FRMPD4: variants seen among roughly 807,000 people sequenced by gnomAD.
FRMPD4 encodes FERM and PDZ domain containing 4, also known as FERM and PDZ domain-containing protein 4.
A neutral mutation model predicts 94.1 loss-of-function variants in FRMPD4; 22 were observed. That is an observed-to-expected ratio of 0.23 (90% CI 0.17 to 0.33). FRMPD4 has a LOEUF of 0.33. Ranked by LOEUF, FRMPD4 falls within the 10% of genes least tolerant of loss-of-function variation. FRMPD4 has a pLI of 1.00. For synonymous variants in FRMPD4, 631 were observed against 548.6 expected (o/e 1.15, Z -2.10); for missense variants, 1,111 against 1,339.9 (o/e 0.83, Z 2.67).
chrX:12,065,585 T>C (rs2054914087), intron 3 of FRMPD4, among the ~76,000 whole-genome samples: 1 of 112,003 alleles, frequency 8.9e-6, no homozygotes, highest in African/African-American at 3.2e-5. Context: ...TGTGAGTAGC[T>C]CTTCTGGCTT....
chrX:12,034,633 C>T (rs2054710255), intron 3 of FRMPD4, among the ~76,000 whole-genome samples: 1 of 111,849 alleles, frequency 8.9e-6, no homozygotes. Flanking sequence ...TACAGCTAGA[C>T]CATTCGTTTC....
chrX:12,389,492 A>AAAC (rs920077761), intron 1 of FRMPD4, among the ~76,000 whole-genome samples: 3 of 109,520 alleles, frequency 2.7e-5, no homozygotes, highest in East Asian at 2.8e-4. Context: ...AAACAAAACC[A>AAAC]AACAACAACA....
intron 1 of FRMPD4, among the ~76,000 whole-genome samples, chrX:12,436,917 A>G (rs1375922040): frequency 8.9e-6 from 1 of 111,987 alleles, no homozygotes; most frequent in East Asian, 2.8e-4. Context: ...CTTTAAAATT[A>G]AGAGAGAATT....
intron 4 of FRMPD4, among the ~76,000 whole-genome samples, chrX:12,616,087 G>A (rs1252180361): frequency 9.0e-6 from 1 of 111,323 alleles, no homozygotes. Flanking sequence ...CTCTGGAATG[G>A]TTGGTCACTG....
At chrX:12,551,275 A>C (rs181914527) in intron 2 of FRMPD4, among the ~76,000 whole-genome samples, 2 of 111,011 alleles carry the variant, frequency 1.8e-5, no homozygotes, top group East Asian at 5.6e-4. Flanking sequence ...TATTTCATCT[A>C]TGTCCCCACA....
intron 1 of FRMPD4, among the ~76,000 whole-genome samples, chrX:12,167,163 C>G (rs1180263671): frequency 1.8e-5 from 2 of 111,815 alleles, no homozygotes; most frequent in Non-Finnish European, 3.8e-5. Context: ...GATTTTAGAT[C>G]TTTCCTGCTT....
chrX:12,397,941 A>C (rs1202536871), intron 1 of FRMPD4, among the ~76,000 whole-genome samples: 1 of 111,597 alleles, frequency 9.0e-6, no homozygotes, highest in Non-Finnish European at 1.9e-5. Flanking sequence ...AAAGTTGTTA[A>C]AGATGTTTAA....
chrX:12,538,591 A>T (rs1334282918), intron 2 of FRMPD4, among the ~76,000 whole-genome samples: 1 of 111,577 alleles, frequency 9.0e-6, no homozygotes, highest in Non-Finnish European at 1.9e-5. Flanking sequence ...GGGCAGACTG[A>T]CACCCCACAC....
chrX:12,241,554 G>A (rs1449310090), intron 1 of FRMPD4, among the ~76,000 whole-genome samples: 1 of 111,706 alleles, frequency 9.0e-6, no homozygotes, highest in South Asian at 3.7e-4. Flanking sequence ...GTGAGTGTCA[G>A]ACATCTTGGG....
At chrX:11,918,295 A>G (rs2054036428) in intron 3 of FRMPD4, among the ~76,000 whole-genome samples, 1 of 113,163 alleles carries the variant, frequency 8.8e-6, no homozygotes, top group Non-Finnish European at 1.9e-5. Context: ...TTCATTTGAT[A>G]TATCTCTGAG....
intron 3 of FRMPD4, among the ~76,000 whole-genome samples, chrX:12,078,757 T>C (rs2055039699): frequency 9.0e-6 from 1 of 111,443 alleles, no homozygotes; most frequent in African/African-American, 3.3e-5. Context: ...ACCCTGCGCA[T>C]TGTAGGATGT....
chrX:12,319,373 A>C (rs921337952), intron 1 of FRMPD4, among the ~76,000 whole-genome samples: 1 of 112,125 alleles, frequency 8.9e-6, no homozygotes, highest in African/African-American at 3.3e-5. Context: ...AGAAAGTCCT[A>C]ATGCCTGGAC....
At chrX:12,348,589 GAA>G (rs35385075) in intron 1 of FRMPD4, among the ~76,000 whole-genome samples, 3 of 66,061 alleles carry the variant, frequency 4.5e-5, no homozygotes, top group Non-Finnish European at 2.9e-5. Flanking sequence ...ATGCTTCCAG[GAA>G]AAAAAAAAAA....
intron 3 of FRMPD4, among the ~76,000 whole-genome samples, chrX:11,972,595 A>G (rs893230077): frequency 9.0e-6 from 1 of 111,642 alleles, no homozygotes; most frequent in South Asian, 3.7e-4. Flanking sequence ...TCAAATCCTT[A>G]CTCTATTGTT....
chrX:12,587,668 G>A (rs1264303992), intron 2 of FRMPD4, among the ~76,000 whole-genome samples: 2 of 103,584 alleles, frequency 1.9e-5, no homozygotes, highest in African/African-American at 3.6e-5. Flanking sequence ...GTGTGTGTGT[G>A]TGTGTGTCAC....
chrX:12,366,546 C>G (rs1163314032), intron 1 of FRMPD4, among the ~76,000 whole-genome samples: 2 of 111,938 alleles, frequency 1.8e-5, no homozygotes, highest in Non-Finnish European at 3.8e-5. Context: ...CATAAATAAA[C>G]CAAGGCATTA....
intron 2 of FRMPD4, among the ~76,000 whole-genome samples, chrX:12,569,011 G>C (rs766915626): frequency 9.0e-6 from 1 of 111,415 alleles, no homozygotes; most frequent in African/African-American, 3.3e-5. Context: ...GTTGTCATTT[G>C]GGAGTAGGTT....
At position 12,245,516 on chromosome X, in the gene FRMPD4, T is replaced by A. The variant is rs1336571451; in HGVS notation, c.41+106504T>A. 3.6e-5 allele frequency among the ~76,000 whole-genome samples: 3 copies of A among 82,971 alleles called. No homozygotes were observed. In the Admixed American group the frequency reaches 4.1e-4, roughly 11 times the overall value. The allele number at this position is 82,971 out of a possible 115,157, so 72.1% of individuals were successfully genotyped here. A position where few individuals can be genotyped will look rare whatever the true frequency, so the allele number is the denominator to read the frequency against. On this transcript the variant is annotated intron_variant, in intron 1 of 16. Coordinates refer to ENST00000675598, the MANE Select transcript of FRMPD4 (RefSeq NM_001368397.1). ...TCTTCTCCTCTCTTATGTCCTCTTT[T>A]TTTTTTTTTTTTTTTTTCAAGGAGT...
intron 1 of FRMPD4, among the ~76,000 whole-genome samples, chrX:12,350,545 G>T (rs2055786342): frequency 8.9e-6 from 1 of 112,049 alleles, no homozygotes; most frequent in Non-Finnish European, 1.9e-5. Context: ...AGTGGGCTGA[G>T]ATAAACTGTC....
Sources: allele counts gnomAD v4.1 joint callset (sites outside exome capture counted in the v4.1 genomes callset), GRCh38; gene constraint gnomAD v4.1.1; transcripts MANE v1.5; gene names NCBI Gene and HGNC (gene_info 2026-07-23, HGNC 2026-07-21).